The following GAREM1 variants were observed in gnomAD, a reference collection of about 807,000 sequenced individuals.
GAREM1 encodes the protein GRB2 associated regulator of MAPK1 subtype 1, also known as GRB2-associated and regulator of MAPK protein 1.
In GAREM1, 26 loss-of-function variants were observed where a neutral mutation model predicts 71.3. The observed-to-expected ratio is 0.36, with a 90% confidence interval of 0.27 to 0.51. GAREM1 has a LOEUF of 0.51. GAREM1 is among the 20% of genes least tolerant of loss of function. GAREM1 has a pLI of 0.95. For synonymous variants in GAREM1, 440 were observed against 433.2 expected (o/e 1.02, Z -0.20); for missense variants, 1,026 against 1,103.1 (o/e 0.93, Z 0.99).
At chr18:32,420,107 A>T (rs1214673431) in intron 1 of GAREM1, among the ~76,000 whole-genome samples, 1 of 152,186 alleles carries the variant, frequency 6.6e-6, no homozygotes, top group Non-Finnish European at 1.5e-5. Flanking sequence ...AAAACCTATT[A>T]GTCTTTAAGA....
At chr18:32,394,748 C>A (rs1012597020) in intron 1 of GAREM1, among the ~76,000 whole-genome samples, 1 of 152,156 alleles carries the variant, frequency 6.6e-6, no homozygotes, top group Non-Finnish European at 1.5e-5. Context: ...ATCATGCAGC[C>A]CCCTGCTGAG....
intron 4 of GAREM1, among the ~76,000 whole-genome samples, chr18:32,284,737 A>G (rs1409646574): frequency 6.7e-6 from 1 of 149,638 alleles, no homozygotes; most frequent in Non-Finnish European, 1.5e-5. Context: ...ACTTGTTTGG[A>G]GGGGTGCCCC....
chr18:32,457,847 A>G (rs916337158), intron 1 of GAREM1, among the ~76,000 whole-genome samples: 2 of 152,186 alleles, frequency 1.3e-5, no homozygotes, highest in South Asian at 4.1e-4. Context: ...CCTGTTGGTG[A>G]TATGTACTTT....
intron 1 of GAREM1, among the ~76,000 whole-genome samples, chr18:32,423,409 C>G (rs751815144): frequency 2.0e-5 from 3 of 152,138 alleles, no homozygotes; most frequent in Non-Finnish European, 4.4e-5. Flanking sequence ...GAAAACTAGT[C>G]ACTACTTCAT....
At chr18:32,365,919 T>A (rs919328910) in intron 2 of GAREM1, among the ~76,000 whole-genome samples, 5 of 152,182 alleles carry the variant, frequency 3.3e-5, no homozygotes. Context: ...TTTATAGAAG[T>A]GCAGGTGCAT....
chr18:32,338,735 C>T (rs2047621188), intron 2 of GAREM1, among the ~76,000 whole-genome samples: 1 of 152,196 alleles, frequency 6.6e-6, no homozygotes, highest in East Asian at 1.9e-4. Flanking sequence ...CATTGCAGAG[C>T]TTTCCTGGAG....
chr18:32,345,423 T>C (rs16963184), intron 2 of GAREM1, among the ~76,000 whole-genome samples: 7,423 of 152,202 alleles, frequency 0.049, 272 homozygotes, highest in East Asian at 0.1. Context: ...AGAAACATCA[T>C]TCAATGATAA....
intron 1 of GAREM1, among the ~76,000 whole-genome samples, chr18:32,439,429 A>T (rs2048712861): frequency 6.6e-6 from 1 of 152,160 alleles, no homozygotes; most frequent in African/African-American, 2.4e-5. Context: ...ACTTTGTATA[A>T]GGAGAAACTT....
intron 2 of GAREM1, among the ~76,000 whole-genome samples, chr18:32,341,595 A>ACC (rs2144575709): frequency 6.6e-6 from 1 of 152,326 alleles, no homozygotes; most frequent in East Asian, 1.9e-4. Flanking sequence ...AGTCCCACCA[A>ACC]CAGTGTAAGA....
chr18:32,360,636 C>CA (rs1567978849), intron 2 of GAREM1, among the ~76,000 whole-genome samples: 1 of 152,114 alleles, frequency 6.6e-6, no homozygotes, highest in Non-Finnish European at 1.5e-5. Flanking sequence ...GCAAACACCC[C>CA]AAAACCAAGT....
chr18:32,302,372 T>C (rs1178662226), intron 3 of GAREM1, among the ~76,000 whole-genome samples: 1 of 152,234 alleles, frequency 6.6e-6, no homozygotes, highest in Non-Finnish European at 1.5e-5. Context: ...TCCTGTTGGA[T>C]AATTTATAGC....
chr18:32,302,388 A>T (rs185942622), intron 3 of GAREM1, among the ~76,000 whole-genome samples: 132 of 152,338 alleles, frequency 8.7e-4, no homozygotes, highest in African/African-American at 3.1e-3. Context: ...ATAGCATTTT[A>T]TCATTTTACT....
At chr18:32,325,860 G>A (rs1302468599) in intron 2 of GAREM1, among the ~76,000 whole-genome samples, 3 of 152,250 alleles carry the variant, frequency 2.0e-5, no homozygotes, top group Non-Finnish European at 2.9e-5. Flanking sequence ...CTGGACTTAC[G>A]AGGATGACTA....
intron 1 of GAREM1, among the ~76,000 whole-genome samples, chr18:32,404,246 A>G (rs16963326): frequency 0.23 from 35,223 of 152,128 alleles, 4,274 homozygotes; most frequent in African/African-American, 0.29. Flanking sequence ...TGTCACAGCA[A>G]AACCCAAATC....
chr18:32,388,748 C>A (rs1268562767), intron 2 of GAREM1, among the ~76,000 whole-genome samples: 1 of 152,112 alleles, frequency 6.6e-6, no homozygotes, highest in Non-Finnish European at 1.5e-5. Flanking sequence ...GGCTGAGGAA[C>A]TTGTTCCAGA....
chr18:32,267,834 G>C lies in GAREM1; in HGVS notation c.*37C>G, dbSNP rs780931638. 2.6e-6 allele frequency: 4 copies of C among 1,546,986 alleles called. No individual in the cohort carries two copies. The South Asian group carries it at 4.8e-5, about 19-fold the overall frequency. ...GCCCACCCCTTCTAGCACACGCATT[G>C]ATCAGTTTTGTTCCATGCTGGCCGG... is the stretch of plus-strand genomic sequence containing the variant. On this transcript the variant is annotated 3_prime_UTR_variant, in exon 6 of 6. Coordinates refer to ENST00000269209, the MANE Select transcript of GAREM1 (RefSeq NM_001242409.2).
At position 32,416,169 on chromosome 18, in the gene GAREM1, G is replaced by C. The variant is rs888791159; in HGVS notation, c.122-23134C>G. ...CCTAGAAATTAACTTAACCAAAGAAGTAAAAGATCTCTACAATGAAAACTA... is the reference window on the plus strand; with the variant it reads ...CCTAGAAATTAACTTAACCAAAGAACTAAAAGATCTCTACAATGAAAACTA... On this transcript the variant is annotated intron_variant, in intron 1 of 5. Coordinates refer to ENST00000269209, the MANE Select transcript of GAREM1 (RefSeq NM_001242409.2). 3.9e-4 allele frequency among the ~76,000 whole-genome samples: 59 copies of C among 151,962 alleles called. 1 individual carries two copies. Among genetic ancestry groups the C allele is most frequent in the African/African-American group, 1.4e-3 (58 of 41,394 alleles).
chr18:32,431,956 G>C (rs1020394416), intron 1 of GAREM1, among the ~76,000 whole-genome samples: 1 of 152,144 alleles, frequency 6.6e-6, no homozygotes, highest in Admixed American at 6.5e-5. Context: ...TCTATACCCA[G>C]TGAAAATATT....
intron 2 of GAREM1, among the ~76,000 whole-genome samples, chr18:32,333,392 T>C (rs140653382): frequency 2.6e-5 from 4 of 152,264 alleles, no homozygotes; most frequent in African/African-American, 9.6e-5. Context: ...TTCTCACTAG[T>C]GTCTGGGGCT....
Sources: gnomAD v4.1 joint callset for allele counts (sites outside exome capture counted in the v4.1 genomes callset) on GRCh38, gnomAD v4.1.1 for gene constraint, MANE v1.5 for transcripts, NCBI Gene and HGNC (gene_info 2026-07-23, HGNC 2026-07-21) for gene names.